The following LYPLAL1 variants were observed in gnomAD, a reference collection of about 807,000 sequenced individuals.
LYPLAL1 encodes lysophospholipase-like protein 1.
In LYPLAL1, 23 loss-of-function variants were observed where a neutral mutation model predicts 19.7. The observed-to-expected ratio is 1.17, with a 90% CI of 0.84 to 1.65. LYPLAL1 has a LOEUF of 1.65. LYPLAL1 is among the 40% of genes most tolerant of loss of function. LYPLAL1 has a pLI of 0.00. For synonymous variants in LYPLAL1, 119 were observed against 96.3 expected, an observed-to-expected ratio of 1.24 and a Z score of -1.38; for missense variants, 355 against 279.4, an observed-to-expected ratio of 1.27 and a Z score of -1.93.
chr1:219,207,796 T>A (rs1360210187), intron 3 of LYPLAL1, among the ~76,000 whole-genome samples: 1 of 152,048 alleles, frequency 6.6e-6, no homozygotes, highest in East Asian at 1.9e-4. Context: ...TTTAATAAAT[T>A]CTATTAAGGA....
chr1:219,387,579 A>G, the LYPLAL1 span, among the ~76,000 whole-genome samples: 1 of 152,158 alleles, frequency 6.6e-6, no homozygotes, highest in African/African-American at 2.4e-5. Flanking sequence ...GTTTTCTATA[A>G]TTTTCGTTCA....
the LYPLAL1 span, among the ~76,000 whole-genome samples, chr1:219,266,899 TGTTCTCCA>T: frequency 6.6e-6 from 1 of 152,196 alleles, no homozygotes; most frequent in Non-Finnish European, 1.5e-5. Flanking sequence ...CTTTATTTCT[TGTTCTCCA>T]AATTGTACCA....
chr1:219,228,461 A>G, the LYPLAL1 span, among the ~76,000 whole-genome samples: 1 of 152,092 alleles, frequency 6.6e-6, no homozygotes. Context: ...CAATATAGAA[A>G]ACGTTCCCCT....
the LYPLAL1 span, among the ~76,000 whole-genome samples, chr1:219,245,175 CCCTT>C: frequency 0.08 from 10,558 of 132,290 alleles, 707 homozygotes; most frequent in African/African-American, 0.17. Flanking sequence ...CCTCTTCCAT[CCCTT>C]CCTTCCTTCC....
chr1:219,265,823 T>G, the LYPLAL1 span, among the ~76,000 whole-genome samples: 1 of 152,116 alleles, frequency 6.6e-6, no homozygotes, highest in African/African-American at 2.4e-5. Flanking sequence ...GTAGGCACTT[T>G]TAGTAAAATG....
the LYPLAL1 span, among the ~76,000 whole-genome samples, chr1:219,347,973 A>G: frequency 6.6e-6 from 1 of 152,194 alleles, no homozygotes; most frequent in Non-Finnish European, 1.5e-5. Context: ...GAAAAGAAAA[A>G]AAAATAAAAT....
At chr1:219,392,795 C>T in the LYPLAL1 span, among the ~76,000 whole-genome samples, 2 of 152,040 alleles carry the variant, frequency 1.3e-5, no homozygotes, top group Non-Finnish European at 2.9e-5. Context: ...CCACAGCCTC[C>T]ATAAAATTGA....
At chr1:219,264,190 G>A in the LYPLAL1 span, among the ~76,000 whole-genome samples, 1 of 152,120 alleles carries the variant, frequency 6.6e-6, no homozygotes, top group African/African-American at 2.4e-5. Flanking sequence ...ACTAACCAAA[G>A]AGTCCACTCT....
the LYPLAL1 span, among the ~76,000 whole-genome samples, chr1:219,258,928 C>G: frequency 6.6e-6 from 1 of 151,754 alleles, no homozygotes; most frequent in Non-Finnish European, 1.5e-5. Context: ...AAGAAAAAAA[C>G]AAATAATCCC....
At chr1:219,199,835 G>A (rs928108985) in intron 3 of LYPLAL1, 4 of 188,856 alleles carry the variant, frequency 2.1e-5, no homozygotes, top group Admixed American at 5.3e-5. Flanking sequence ...GGCTGGTCTC[G>A]AATATTATTG....
At chr1:219,212,976 G>A (rs1017715108), downstream of LYPLAL1, 12 of 152,026 alleles carry the variant, frequency 7.9e-5, no homozygotes, top group African/African-American at 2.9e-4. Context: ...AACTCTTTGA[G>A]AAAATAGTTG....
At chr1:219,414,071 G>A in the LYPLAL1 span, among the ~76,000 whole-genome samples, 4 of 152,136 alleles carry the variant, frequency 2.6e-5, no homozygotes, top group Admixed American at 6.5e-5. Context: ...GAATGCAGAG[G>A]GAAGGATGGA....
the LYPLAL1 span, among the ~76,000 whole-genome samples, chr1:219,428,688 T>C: frequency 6.6e-6 from 1 of 152,240 alleles, no homozygotes; most frequent in Admixed American, 6.5e-5. Flanking sequence ...GAATTAGAAT[T>C]CAACAGCTTA....
the LYPLAL1 span, among the ~76,000 whole-genome samples, chr1:219,313,630 G>T: frequency 2.6e-5 from 4 of 151,922 alleles, no homozygotes; most frequent in Non-Finnish European, 4.4e-5. Flanking sequence ...ATACTTCCGG[G>T]TTCATGTGAT....
chr1:219,242,813 A>G, the LYPLAL1 span, among the ~76,000 whole-genome samples: 5 of 152,158 alleles, frequency 3.3e-5, no homozygotes, highest in Non-Finnish European at 5.9e-5. Flanking sequence ...TGGGCAAATA[A>G]CAGTGGAAAT....
At chr1:219,233,390 G>A in the LYPLAL1 span, among the ~76,000 whole-genome samples, 1 of 152,146 alleles carries the variant, frequency 6.6e-6, no homozygotes, top group African/African-American at 2.4e-5. Flanking sequence ...TTTCAGTTTT[G>A]CAGTATGAAA....
chr1:219,426,254 A>C, the LYPLAL1 span, among the ~76,000 whole-genome samples: 2 of 152,224 alleles, frequency 1.3e-5, no homozygotes, highest in African/African-American at 2.4e-5. Flanking sequence ...GTCCTAAAGG[A>C]AAATTAGAAA....
At chr1:219,388,789 T>C in the LYPLAL1 span, among the ~76,000 whole-genome samples, 19 of 152,222 alleles carry the variant, frequency 1.2e-4, no homozygotes, top group Non-Finnish European at 1.2e-4. Flanking sequence ...ATCTAGGTTT[T>C]ATAGAGATGT....
chr1:219,345,490 G>A, the LYPLAL1 span, among the ~76,000 whole-genome samples: 1 of 152,144 alleles, frequency 6.6e-6, no homozygotes, highest in East Asian at 1.9e-4. Context: ...CTCATTCTAA[G>A]ATGCAATTAG....
Sources: allele counts gnomAD v4.1 joint callset (sites outside exome capture counted in the v4.1 genomes callset), GRCh38; gene constraint gnomAD v4.1.1; transcripts MANE v1.5; gene names NCBI Gene and HGNC (gene_info 2026-07-23, HGNC 2026-07-21).